Variants in PRKN observed in about 807,000 individuals in gnomAD.
The protein encoded by PRKN is E3 ubiquitin-protein ligase parkin.
PRKN carries 56 observed loss-of-function variants against 59.5 expected under a neutral mutation model. That is an observed-to-expected ratio of 0.94 (90% CI 0.76 to 1.18). PRKN has a LOEUF of 1.18. PRKN is among the 50% of genes most tolerant of loss of function. The pLI is 0.00. For synonymous variants in PRKN, 250 were observed against 222.1 expected (o/e 1.13, Z -1.12); for missense variants, 657 against 596.4 (o/e 1.10, Z -1.06).
chr6:161,410,468 G>C lies in PRKN; in HGVS notation c.1084-23591C>G, dbSNP rs1787480376. Among the ~76,000 whole-genome samples the C allele has an allele frequency of 2.0e-5, 3 of 152,126 alleles. No individual in the cohort carries two copies. The highest frequency in any genetic ancestry group is 4.2e-4 in the South Asian group (2 of 4,816). On this transcript the variant is annotated intron_variant, in intron 9 of 11. Transcript: ENST00000366898. The surrounding 1 kb of genome is among the most constrained non-coding windows in gnomAD (Gnocchi z 5.3). ...GAGGGCTTCCCAACCAACTGTAAGG[G>C]GGCTGCTGGTTTGAGCTTTTCAGGT...
intron 1 of PRKN, among the ~76,000 whole-genome samples, chr6:162,476,785 G>T (rs1441228815): frequency 6.6e-6 from 1 of 152,150 alleles, no homozygotes; most frequent in Non-Finnish European, 1.5e-5. Context: ...CATGCCAGGT[G>T]CTTTCGAATT....
In PRKN at chr6:161,440,021, G is replaced by A. The variant is rs1455759082; in HGVS notation, c.1084-53144C>T. On this transcript the variant is annotated intron_variant, in intron 9 of 11. Coordinates refer to ENST00000366898, the MANE Select transcript of PRKN (RefSeq NM_004562.3). The surrounding 1 kb of genome is among the most constrained non-coding windows in gnomAD (Gnocchi z 4.1). ...GCTGGAGTGCAGTGGCGCGATCTCG[G>A]CTCACTGCAAGCTCCACCTCCCGGG... Among the ~76,000 whole-genome samples the A allele has an allele frequency of 6.6e-6, 1 of 151,582 alleles. No individual in the cohort carries two copies. The highest frequency in any genetic ancestry group is 1.5e-5 in the Non-Finnish European group (1 of 67,902).
At chr6:161,674,215 T>C (rs1785009288) in intron 7 of PRKN, among the ~76,000 whole-genome samples, 1 of 152,076 alleles carries the variant, frequency 6.6e-6, no homozygotes, top group Non-Finnish European at 1.5e-5. Flanking sequence ...TATAATATCA[T>C]GAAGTATCCT....
chr6:162,287,753 T>C lies in PRKN; in HGVS notation c.172-24988A>G, dbSNP rs1273667989. Among the ~76,000 whole-genome samples, 2 of 152,194 alleles carry C rather than the reference T, an allele frequency of 1.3e-5. 1 individual carries two copies. The highest frequency in any genetic ancestry group is 1.3e-4 in the Admixed American group (2 of 15,278). On this transcript the variant is annotated intron_variant, in intron 2 of 11. Coordinates refer to ENST00000366898, the MANE Select transcript of PRKN (RefSeq NM_004562.3). ...GTTACATTGATAACAAATAACTAGCTATCACAAATAGAAATTTGTGAAGGG... is the reference window on the plus strand; with the variant it reads ...GTTACATTGATAACAAATAACTAGCCATCACAAATAGAAATTTGTGAAGGG...
chr6:162,721,548 C>T (rs1050519327), intron 1 of PRKN, among the ~76,000 whole-genome samples: 1 of 152,094 alleles, frequency 6.6e-6, no homozygotes, highest in Non-Finnish European at 1.5e-5. Flanking sequence ...GTCTAGAAGG[C>T]CGCCTTCACC....
intron 1 of PRKN, among the ~76,000 whole-genome samples, chr6:162,542,225 G>T (rs1452404979): frequency 1.3e-5 from 2 of 152,012 alleles, no homozygotes; most frequent in Middle Eastern, 3.2e-3. Flanking sequence ...GTCTAGATAG[G>T]TATTAAATAT....
rs922506381 is a variant in PRKN at position 161,402,025 on chromosome 6, C to T, written c.1084-15148G>A. Among the ~76,000 whole-genome samples, 4 of 152,156 alleles carry T rather than the reference C, an allele frequency of 2.6e-5. No homozygotes were observed. The highest frequency in any genetic ancestry group is 1.9e-4 in the East Asian group (1 of 5,196). On this transcript the variant is annotated intron_variant, in intron 9 of 11. Transcript: ENST00000366898. The surrounding 1 kb of genome is among the most constrained non-coding windows in gnomAD (Gnocchi z 4.5). ...GAGAGCATTTCCCACATTATCCTCT[C>T]GATATGCATCTCTGCCATGACTATC...
rs1036716399 is a variant in PRKN at position 161,488,176 on chromosome 6, G to A, written c.1083+60678C>T. Among the ~76,000 whole-genome samples, 2 of 152,194 alleles carry A rather than the reference G, an allele frequency of 1.3e-5. No homozygotes were observed. The highest frequency in any genetic ancestry group is 1.3e-4 in the Admixed American group (2 of 15,274). ...TTAGAGGGCTAAATGAATGGAGGCA[G>A]CCATGCAAAAAGCTGAAGGAAGGTC... is the stretch of plus-strand genomic sequence containing the variant. On this transcript the variant is annotated intron_variant, in intron 9 of 11. Transcript: ENST00000366898. The surrounding 1 kb of genome is among the most constrained non-coding windows in gnomAD (Gnocchi z 4.5).
intron 7 of PRKN, among the ~76,000 whole-genome samples, chr6:161,599,060 C>T (rs780489183): frequency 1.3e-5 from 2 of 152,152 alleles, no homozygotes; most frequent in African/African-American, 2.4e-5. Context: ...CGAGGAATGC[C>T]GACTCCTGGC....
At chr6:162,461,785 C>G (rs1407925474) in intron 1 of PRKN, among the ~76,000 whole-genome samples, 5 of 150,860 alleles carry the variant, frequency 3.3e-5, no homozygotes, top group Non-Finnish European at 5.9e-5. Context: ...AAGATCACGC[C>G]ACTGCACTGC....
intron 9 of PRKN, among the ~76,000 whole-genome samples, chr6:161,476,492 T>G (rs1035877066): frequency 6.6e-6 from 1 of 152,108 alleles, no homozygotes; most frequent in Non-Finnish European, 1.5e-5. Context: ...CTTAAGACAC[T>G]TTTCCTTGAG....
Position 162,025,680 on chromosome 6 carries a change from C to T in PRKN, c.618+28411G>A, listed in dbSNP as rs141780309. Among the ~76,000 whole-genome samples, 864 of 150,724 alleles carry T rather than the reference C, an allele frequency of 5.7e-3. 5 individuals carry two copies. The highest frequency in any genetic ancestry group is 0.01 in the Middle Eastern group (3 of 292). The stretch of plus-strand genomic sequence containing the variant: ...CTCAGCTCACTGCAACCTCCGCCTC[C>T]CAGGTTCAAGCGATTCTTCTGCCTC... On this transcript the variant is annotated intron_variant, in intron 5 of 11. Coordinates refer to ENST00000366898, the MANE Select transcript of PRKN (RefSeq NM_004562.3).
At position 161,460,199 on chromosome 6, in the gene PRKN, A is replaced by G. The variant is rs1311297011; in HGVS notation, c.1084-73322T>C. ...AACCAAAGTTTATAATAGGAATATA[A>G]TCCGTGTTATTTTAGGATGTCACAG... On this transcript the variant is annotated intron_variant, in intron 9 of 11. Transcript: ENST00000366898. The surrounding 1 kb of genome is among the most constrained non-coding windows in gnomAD (Gnocchi z 5.0). Among the ~76,000 whole-genome samples the G allele has an allele frequency of 6.6e-6, 1 of 152,196 alleles. No homozygotes were observed. The highest frequency in any genetic ancestry group is 1.5e-5 in the Non-Finnish European group (1 of 68,034).
At chr6:161,714,471 C>T (rs1405186050) in intron 7 of PRKN, among the ~76,000 whole-genome samples, 1 of 152,206 alleles carries the variant, frequency 6.6e-6, no homozygotes, top group Non-Finnish European at 1.5e-5. Flanking sequence ...AAGCAGAGAG[C>T]AGCCCTCACC....
chr6:162,293,032 T>C lies in PRKN; in HGVS notation c.172-30267A>G, dbSNP rs78514611. Among the ~76,000 whole-genome samples the C allele has an allele frequency of 2.6e-3, 402 of 152,260 alleles. 1 individual carries two copies. The highest frequency in any genetic ancestry group is 8.3e-3 in the African/African-American group (344 of 41,544). ...GAGACTTTCTGAGAATAACAGTATTTCCAAAGGGTGCTGGCTCAAAAAATG... is the reference window on the plus strand; with the variant it reads ...GAGACTTTCTGAGAATAACAGTATTCCCAAAGGGTGCTGGCTCAAAAAATG... On this transcript the variant is annotated intron_variant, in intron 2 of 11. Coordinates refer to ENST00000366898, the MANE Select transcript of PRKN (RefSeq NM_004562.3).
At chr6:162,697,670 T>A (rs1778017026) in intron 1 of PRKN, among the ~76,000 whole-genome samples, 1 of 152,208 alleles carries the variant, frequency 6.6e-6, no homozygotes, top group Non-Finnish European at 1.5e-5. Context: ...TTTAGGATTT[T>A]ATTGAAGGTC....
At chr6:162,059,892 T>C (rs900444211) in intron 4 of PRKN, among the ~76,000 whole-genome samples, 15 of 152,324 alleles carry the variant, frequency 9.8e-5, no homozygotes, top group South Asian at 4.1e-4. Context: ...TGTTTGTTAA[T>C]AGTTGAAAAG....
In PRKN at chr6:161,446,502, T is replaced by C. The variant is rs1383660448; in HGVS notation, c.1084-59625A>G. On this transcript the variant is annotated intron_variant, in intron 9 of 11. Transcript: ENST00000366898. The surrounding 1 kb of genome is among the most constrained non-coding windows in gnomAD (Gnocchi z 6.2). ...CCTGGCGTCTGAGCCAGATCTGACT[T>C]TGTGTAGAAGCATAAAAGGAGTAGG... Among the ~76,000 whole-genome samples the C allele has an allele frequency of 2.0e-5, 3 of 152,138 alleles. No individual in the cohort carries two copies. The highest frequency in any genetic ancestry group is 4.4e-5 in the Non-Finnish European group (3 of 68,034).
intron 1 of PRKN, among the ~76,000 whole-genome samples, chr6:162,647,949 C>CAAAAAAA (rs398003250): frequency 0.011 from 837 of 75,632 alleles, 210 homozygotes; most frequent in Middle Eastern, 0.014. Context: ...GTCCACAGTG[C>CAAAAAAA]AAAAAAAAAA....
Sources: allele counts gnomAD v4.1 joint callset (sites outside exome capture counted in the v4.1 genomes callset), GRCh38; gene constraint gnomAD v4.1.1; non-coding constraint Gnocchi (gnomAD v3.1); transcripts MANE v1.5; gene names NCBI Gene and HGNC (gene_info 2026-07-23, HGNC 2026-07-21).